The following WWP2 variants were observed in gnomAD, a reference collection of about 807,000 sequenced individuals.
The protein encoded by WWP2 is WW domain containing E3 ubiquitin protein ligase 2, also known as NEDD4-like E3 ubiquitin-protein ligase WWP2.
Under a neutral mutation model 121.0 loss-of-function variants are expected in WWP2, and 57 were observed. That is an observed-to-expected ratio of 0.47 (90% CI 0.38 to 0.59). The LOEUF (loss-of-function observed/expected upper bound fraction) is 0.59. WWP2 is among the 20% of genes least tolerant of loss of function. WWP2 has a pLI of 0.00. For missense variants in WWP2, 962 were observed against 1,158.9 expected, an observed-to-expected ratio of 0.83 and a Z score of 2.47; for synonymous variants, 449 against 441.3, an observed-to-expected ratio of 1.02 and a Z score of -0.22.
intron 4 of WWP2, among the ~76,000 whole-genome samples, chr16:69,838,301 G>T (rs2056912258): frequency 1.3e-5 from 2 of 152,052 alleles, no homozygotes; most frequent in Admixed American, 1.3e-4. Context: ...GCTTCACGGT[G>T]CACAGCTCTC....
chr16:69,892,907 G>A (rs972309004), intron 8 of WWP2, among the ~76,000 whole-genome samples: 12 of 152,302 alleles, frequency 7.9e-5, no homozygotes, highest in African/African-American at 2.2e-4. Context: ...GCTTCATATT[G>A]TCTTTGGGGA....
intron 2 of WWP2, among the ~76,000 whole-genome samples, chr16:69,793,641 C>T (rs778176737): frequency 3.3e-5 from 5 of 151,942 alleles, no homozygotes; most frequent in Middle Eastern, 3.4e-3. Context: ...AGTCAAGTCA[C>T]GGGCCCAGGC....
chr16:69,914,773 A>G (rs1252558339), intron 9 of WWP2, among the ~76,000 whole-genome samples: 2 of 152,170 alleles, frequency 1.3e-5, no homozygotes, highest in Non-Finnish European at 2.9e-5. Context: ...CAAAAAAGAA[A>G]ATGATTTCCT....
chr16:69,811,624 T>C (rs969643368), intron 4 of WWP2, among the ~76,000 whole-genome samples: 3 of 152,074 alleles, frequency 2.0e-5, no homozygotes, highest in Non-Finnish European at 4.4e-5. Context: ...ATGGTGGGCA[T>C]GCAACGGTAG....
At chr16:69,824,317 T>A (rs1312911167) in intron 4 of WWP2, among the ~76,000 whole-genome samples, 4 of 152,154 alleles carry the variant, frequency 2.6e-5, no homozygotes, top group Non-Finnish European at 5.9e-5. Flanking sequence ...GGGAGAGTGG[T>A]CCGTCAAAAG....
intron 6 of WWP2, among the ~76,000 whole-genome samples, chr16:69,860,004 G>A (rs903949137): frequency 6.6e-6 from 1 of 151,894 alleles, no homozygotes; most frequent in Admixed American, 6.6e-5. Flanking sequence ...TAGAGTGAGA[G>A]GGATGTCATT....
intron 2 of WWP2, among the ~76,000 whole-genome samples, chr16:69,795,259 TACACACACAC>T (rs10578834): frequency 2.0e-4 from 19 of 93,096 alleles, no homozygotes; most frequent in African/African-American, 4.5e-4. Flanking sequence ...AAAATGCGGA[TACACACACAC>T]ACACACACAC....
chr16:69,926,422 T>A (rs941940769), intron 11 of WWP2, among the ~76,000 whole-genome samples: 9 of 151,708 alleles, frequency 5.9e-5, no homozygotes, highest in Non-Finnish European at 1.3e-4. Context: ...TGGGAGGGGG[T>A]GCGCTCGACA....
At chr16:69,832,081 G>A (rs1032782112) in intron 4 of WWP2, among the ~76,000 whole-genome samples, 6 of 151,998 alleles carry the variant, frequency 3.9e-5, no homozygotes, top group Non-Finnish European at 5.9e-5. Flanking sequence ...CATCTGCCTC[G>A]GCCTCCCAAA....
At chr16:69,901,614 A>G (rs1597133563) in intron 8 of WWP2, among the ~76,000 whole-genome samples, 1 of 152,060 alleles carries the variant, frequency 6.6e-6, no homozygotes, top group Non-Finnish European at 1.5e-5. Flanking sequence ...GGGGTTTCAC[A>G]TGGTCTTATT....
At chr16:69,905,054 G>T (rs948544518) in intron 8 of WWP2, among the ~76,000 whole-genome samples, 1 of 152,108 alleles carries the variant, frequency 6.6e-6, no homozygotes, top group Non-Finnish European at 1.5e-5. Flanking sequence ...ATCAGACCAC[G>T]CCCAAATAAG....
intron 7 of WWP2, among the ~76,000 whole-genome samples, chr16:69,880,174 G>A (rs1332629474): frequency 6.6e-6 from 1 of 150,782 alleles, no homozygotes; most frequent in African/African-American, 2.4e-5. Flanking sequence ...ATATTATATA[G>A]ACATGTATAT....
Position 69,917,805 on chromosome 16 carries a change from C to A in WWP2, c.1101C>A (p.Arg367=). 2 of 1,614,112 alleles carry A rather than the reference C, an allele frequency of 1.2e-6. No individual in the cohort carries two copies. The highest frequency in any genetic ancestry group is 1.7e-6 in the Non-Finnish European group (2 of 1,179,918). Residue 367 remains arginine, a synonymous_variant, in exon 10 of 24, where the codon CGC becomes CGA. Transcript: ENST00000359154. ...TWQRPTAEYV[R]NYEQWQSQRN... ...AGCGTCCGACCGCGGAGTACGTGCG[C>A]AACTATGAGCAGTGGCAGTCGCAGC...
intron 7 of WWP2, among the ~76,000 whole-genome samples, chr16:69,876,340 G>A (rs1221087611): frequency 6.6e-6 from 1 of 150,644 alleles, no homozygotes; most frequent in Admixed American, 6.6e-5. Flanking sequence ...TTTTTTTGGG[G>A]CATGTTTTTT....
At chr16:69,934,810 A>G (rs1387297983) in intron 17 of WWP2, among the ~76,000 whole-genome samples, 1 of 151,974 alleles carries the variant, frequency 6.6e-6, no homozygotes, top group African/African-American at 2.4e-5. Flanking sequence ...CTCCAGAACT[A>G]TCTCCAGCTT....
chr16:69,933,411 T>A (rs1242156980), intron 16 of WWP2, among the ~76,000 whole-genome samples: 2 of 152,106 alleles, frequency 1.3e-5, no homozygotes, highest in Non-Finnish European at 2.9e-5. Context: ...TGCAAGAGTG[T>A]TGCATAGCTG....
chr16:69,778,902 A>G (rs929257819), intron 1 of WWP2, among the ~76,000 whole-genome samples: 9 of 149,076 alleles, frequency 6.0e-5, no homozygotes, highest in Non-Finnish European at 1.3e-4. Flanking sequence ...GAGCCTCCCA[A>G]AGTGCTGGGA....
intron 9 of WWP2, chr16:69,910,341 T>G (rs1468572258): frequency 1.0e-6 from 1 of 979,764 alleles, no homozygotes; most frequent in Admixed American, 6.2e-5. Context: ...TTTAACAGTA[T>G]GTATTACACA....
intron 1 of WWP2, among the ~76,000 whole-genome samples, chr16:69,782,080 C>A (rs375095522): frequency 6.6e-6 from 1 of 152,014 alleles, no homozygotes. Context: ...GTCAGGAGTT[C>A]GAGACCAGCT....
Sources: gnomAD v4.1 joint callset for allele counts (sites outside exome capture counted in the v4.1 genomes callset) on GRCh38, gnomAD v4.1.1 for gene constraint, MANE v1.5 for transcripts, NCBI Gene and HGNC (gene_info 2026-07-23, HGNC 2026-07-21) for gene names.